DLG2: variants seen among roughly 807,000 people sequenced by gnomAD.
DLG2 encodes discs large MAGUK scaffold protein 2, also known as disks large homolog 2.
In DLG2, 45 loss-of-function variants were observed where a neutral mutation model predicts 132.5. The ratio of observed to expected loss-of-function variants is 0.34; its 90% CI spans 0.27 to 0.44. The LOEUF (loss-of-function observed/expected upper bound fraction) is 0.44. Ranked by LOEUF, DLG2 falls within the 20% of genes least tolerant of loss-of-function variation. DLG2 has a pLI of 1.00. For synonymous variants in DLG2, 424 were observed against 419.6 expected (o/e 1.01, Z -0.13); for missense variants, 1,045 against 1,196.9 (o/e 0.87, Z 1.87).
chr11:84,896,857 G>A (rs1258087449), intron 6 of DLG2, among the ~76,000 whole-genome samples: 1 of 151,628 alleles, frequency 6.6e-6, no homozygotes, highest in Non-Finnish European at 1.5e-5. Context: ...TCACAAGTAT[G>A]TATGTATGCA....
chr11:85,497,913 G>A (rs185506987), intron 3 of DLG2, among the ~76,000 whole-genome samples: 1,605 of 152,116 alleles, frequency 0.011, 26 homozygotes, highest in African/African-American at 0.037. Context: ...CTGCCTCACA[G>A]GAGCTCCTGA....
At chr11:84,779,540 G>T (rs925821346) in intron 6 of DLG2, among the ~76,000 whole-genome samples, 6 of 151,976 alleles carry the variant, frequency 3.9e-5, no homozygotes. Flanking sequence ...TTTCCAATTT[G>T]GATGCCTTTT....
chr11:83,837,358 G>A (rs2056474315), intron 16 of DLG2, among the ~76,000 whole-genome samples: 2 of 152,114 alleles, frequency 1.3e-5, no homozygotes, highest in Admixed American at 1.3e-4. Flanking sequence ...GTACCCCCTT[G>A]TTCTGCCTAT....
intron 18 of DLG2, among the ~76,000 whole-genome samples, chr11:83,727,837 T>A (rs2090299664): frequency 6.6e-6 from 1 of 152,162 alleles, no homozygotes; most frequent in Non-Finnish European, 1.5e-5. Flanking sequence ...AACTATAAAT[T>A]TAGTGAGATC....
At chr11:85,460,708 T>A (rs187197511) in intron 3 of DLG2, among the ~76,000 whole-genome samples, 1 of 152,360 alleles carries the variant, frequency 6.6e-6, no homozygotes, top group African/African-American at 2.4e-5. Context: ...TTTAATCAAT[T>A]TGCCTTGTCT....
intron 6 of DLG2, among the ~76,000 whole-genome samples, chr11:84,989,141 G>A (rs993427836): frequency 6.6e-6 from 1 of 152,118 alleles, no homozygotes; most frequent in African/African-American, 2.4e-5. Flanking sequence ...TACAGGACTT[G>A]TATTCTAAAG....
At chr11:85,594,717 G>A (rs1311432467) in intron 3 of DLG2, among the ~76,000 whole-genome samples, 1 of 152,016 alleles carries the variant, frequency 6.6e-6, no homozygotes, top group Non-Finnish European at 1.5e-5. Context: ...CAATTATGGT[G>A]GTAATATAGT....
intron 6 of DLG2, among the ~76,000 whole-genome samples, chr11:85,085,154 G>A (rs920361168): frequency 1.3e-5 from 2 of 152,060 alleles, no homozygotes; most frequent in Non-Finnish European, 2.9e-5. Flanking sequence ...TTTGTCCACT[G>A]TATTACTGAG....
intron 3 of DLG2, among the ~76,000 whole-genome samples, chr11:85,424,442 A>AC (rs1416617685): frequency 6.6e-6 from 1 of 152,040 alleles, no homozygotes; most frequent in Non-Finnish European, 1.5e-5. Context: ...ATCCGCCATG[A>AC]CCCCCAGTTC....
At chr11:85,209,710 G>A (rs555729148) in intron 4 of DLG2, among the ~76,000 whole-genome samples, 2 of 150,634 alleles carry the variant, frequency 1.3e-5, no homozygotes, top group South Asian at 2.1e-4. Flanking sequence ...AAAGTTCTGG[G>A]ATTATAGGCA....
chr11:84,282,626 A>T (rs2097863806), intron 7 of DLG2, among the ~76,000 whole-genome samples: 1 of 152,144 alleles, frequency 6.6e-6, no homozygotes, highest in Admixed American at 6.5e-5. Flanking sequence ...CTTGCAGTTC[A>T]ATCTGTCTCC....
At chr11:84,551,646 G>C (rs1041395222) in intron 6 of DLG2, among the ~76,000 whole-genome samples, 1 of 152,212 alleles carries the variant, frequency 6.6e-6, no homozygotes, top group Non-Finnish European at 1.5e-5. Flanking sequence ...CTAGTGGATA[G>C]AATGAGATTT....
chr11:84,249,173 G>C (rs970207963), intron 8 of DLG2, among the ~76,000 whole-genome samples: 3 of 152,196 alleles, frequency 2.0e-5, no homozygotes, highest in Non-Finnish European at 4.4e-5. Flanking sequence ...TCAGCTCTCT[G>C]TGCTCCAGGC....
At chr11:83,946,587 G>A (rs566117295) in intron 14 of DLG2, among the ~76,000 whole-genome samples, 1 of 151,472 alleles carries the variant, frequency 6.6e-6, no homozygotes, top group African/African-American at 2.4e-5. Flanking sequence ...TAACTCTTTC[G>A]GTACTATAGA....
intron 16 of DLG2, among the ~76,000 whole-genome samples, chr11:83,856,540 T>C (rs909199739): frequency 1.3e-5 from 2 of 152,198 alleles, no homozygotes; most frequent in Non-Finnish European, 2.9e-5. Context: ...TGGCATGAGA[T>C]GGTATCTCAT....
rs1593152982 is a variant in DLG2, at chr11:84,016,745, C to T, written c.920-36103G>A. 3.3e-5 allele frequency among the ~76,000 whole-genome samples: 5 copies of T among 151,870 alleles called. No homozygotes were observed. The South Asian group carries it at 1.0e-3, about 31-fold the overall frequency. ...GCCACATCACCTTATAAGATAGGTACAATTATTATTCTTATTTTGTTGAAG... is the reference window on the plus strand; with the variant it reads ...GCCACATCACCTTATAAGATAGGTATAATTATTATTCTTATTTTGTTGAAG... On this transcript the variant is annotated intron_variant, in intron 11 of 27. Coordinates refer to ENST00000376104, the MANE Select transcript of DLG2 (RefSeq NM_001142699.3).
chr11:85,251,373 T>C (rs2076387455), intron 4 of DLG2, among the ~76,000 whole-genome samples: 1 of 152,214 alleles, frequency 6.6e-6, no homozygotes. Context: ...ATATCCCATA[T>C]ATTTTTCTTT....
chr11:84,462,507 T>C (rs949465382), intron 7 of DLG2, among the ~76,000 whole-genome samples: 5 of 151,224 alleles, frequency 3.3e-5, no homozygotes, highest in East Asian at 1.9e-4. Flanking sequence ...ACTACTAAAA[T>C]ACTTGTCCAA....
intron 3 of DLG2, among the ~76,000 whole-genome samples, chr11:85,494,054 G>T (rs576007188): frequency 7.9e-5 from 12 of 152,106 alleles, no homozygotes; most frequent in Admixed American, 3.3e-4. Context: ...GTAACAGAGT[G>T]CTTCCTTCAA....
Sources: gnomAD v4.1 joint callset for allele counts (sites outside exome capture counted in the v4.1 genomes callset) on GRCh38, gnomAD v4.1.1 for gene constraint, MANE v1.5 for transcripts, NCBI Gene and HGNC (gene_info 2026-07-23, HGNC 2026-07-21) for gene names.